Variants in ZNF737 observed in about 807,000 individuals in gnomAD.
ZNF737 encodes zinc finger protein 102 (Y3).
Under a neutral mutation model 11.7 loss-of-function variants are expected in ZNF737, and 13 were observed. The ratio of observed to expected loss-of-function variants is 1.11; its 90% CI spans 0.73 to 1.77. The LOEUF (loss-of-function observed/expected upper bound fraction) is 1.77. Ranked by LOEUF, ZNF737 falls within the 40% of genes most tolerant of loss-of-function variation. The probability of loss-of-function intolerance (pLI) is 0.00; values close to 1 mark genes in which losing one functional copy is unlikely to be tolerated. For synonymous variants in ZNF737, 217 were observed against 216.2 expected (o/e 1.00, Z -0.03); for missense variants, 636 against 638.0 (o/e 1.00, Z 0.03).
At chr19:20,530,535 C>T in the ZNF737 span, among the ~76,000 whole-genome samples, 1 of 146,982 alleles carries the variant, frequency 6.8e-6, no homozygotes, top group Non-Finnish European at 1.5e-5. Flanking sequence ...GGCGGAGGGT[C>T]TCCTCACTTC....
intron 1 of ZNF737, among the ~76,000 whole-genome samples, chr19:20,561,833 T>C (rs1568437520): frequency 6.6e-6 from 1 of 152,140 alleles, no homozygotes; most frequent in Non-Finnish European, 1.5e-5. Flanking sequence ...GGGAGTCCCA[T>C]AACCTCCCTG....
At chr19:20,560,155 A>G (rs557386583) in intron 1 of ZNF737, among the ~76,000 whole-genome samples, 58 of 138,704 alleles carry the variant, frequency 4.2e-4, no homozygotes, top group Admixed American at 7.0e-4. Flanking sequence ...CCTGGGCGAC[A>G]GAGCGAGACT....
At chr19:20,532,733 C>T (rs1463066734), downstream of ZNF737, among the ~76,000 whole-genome samples, 2 of 150,102 alleles carry the variant, frequency 1.3e-5, no homozygotes, top group Non-Finnish European at 3.0e-5. Flanking sequence ...AAATGCTTGA[C>T]ATCAGTGGGC....
At chr19:20,530,649 C>CT in the ZNF737 span, among the ~76,000 whole-genome samples, 4 of 147,488 alleles carry the variant, frequency 2.7e-5, no homozygotes, top group African/African-American at 1.0e-4. Flanking sequence ...GGCAGAGGCG[C>CT]TCCCCACATC....
chr19:20,539,385 T>C lies in ZNF737; in HGVS notation c.*5207A>G. On this transcript the variant is annotated 3_prime_UTR_variant, in exon 4 of 4. Transcript: ENST00000427401. ...TGAATACTTTAGCCAGGATTTCAGA[T>C]TTCAAAAGGTCAAAAACAATCATTG... 1 of 985,452 alleles carries C rather than the reference T, an allele frequency of 1.0e-6. No homozygotes were observed. The highest frequency in any genetic ancestry group is 1.2e-6 in the Non-Finnish European group (1 of 829,926). 61.0% of individuals were successfully genotyped at this position (985,452 alleles called of 1,614,324 possible). A position where few individuals can be genotyped will look rare whatever the true frequency, so the allele number is the denominator to read the frequency against.
At chr19:20,548,040 G>A (rs1968519645) in intron 3 of ZNF737, among the ~76,000 whole-genome samples, 1 of 152,100 alleles carries the variant, frequency 6.6e-6, no homozygotes, top group South Asian at 2.1e-4. Flanking sequence ...TACTTGGGAG[G>A]CTGAGACAGG....
rs781979962 is a variant in ZNF737, at chr19:20,544,922, A to G, written c.1281T>C (p.Cys427=). The G allele has an allele frequency of 6.2e-7, 1 of 1,612,764 alleles. No individual in the cohort carries two copies. Among genetic ancestry groups the G allele is most frequent in the African/African-American group, 1.3e-5 (1 of 74,726 alleles). Reference sequence around the variant, plus strand: ...ACTTAAAGGCCTTGCCACATTCTTCACACTTGAAGGGTTGCTGTCCAGTAT... The same window carrying G: ...ACTTAAAGGCCTTGCCACATTCTTCGCACTTGAAGGGTTGCTGTCCAGTAT... The part of the protein sequence containing the change: ...IIHTGQQPFK[C]EECGKAFKCF... The change falls in exon 4 of 4, where the codon TGT becomes TGC. Residue 427 remains cysteine (C), a synonymous_variant. Coordinates refer to ENST00000427401, the MANE Select transcript of ZNF737 (RefSeq NM_001159293.2).
intron 3 of ZNF737, among the ~76,000 whole-genome samples, chr19:20,548,984 T>A (rs1229928328): frequency 0.079 from 4,598 of 57,860 alleles, 164 homozygotes; most frequent in African/African-American, 0.09. Flanking sequence ...AAAAAAACAA[T>A]TATGTATCTT....
downstream of ZNF737, among the ~76,000 whole-genome samples, chr19:20,537,509 C>CTT (rs1172290847): frequency 0.011 from 649 of 58,174 alleles, 6 homozygotes; most frequent in Non-Finnish European, 0.015. Context: ...GCCTGGTTTT[C>CTT]TATTTTTTTT....
chr19:20,544,546 A>C lies in ZNF737; in HGVS notation c.*46T>G, dbSNP rs782063859. On this transcript the variant is annotated 3_prime_UTR_variant, in exon 4 of 4. Transcript: ENST00000427401. Reference sequence around the variant, plus strand: ...CTCCAATATGAATTTTCTTATGTGAAAAAAGCATAGTGGGATAGCTTAAAG... The same window carrying C: ...CTCCAATATGAATTTTCTTATGTGACAAAAGCATAGTGGGATAGCTTAAAG... 1 of 1,546,200 alleles carries C rather than the reference A, an allele frequency of 6.5e-7. No homozygotes were observed. Among genetic ancestry groups the C allele is most frequent in the South Asian group, 1.2e-5 (1 of 81,030 alleles).
At position 20,544,142 on chromosome 19, in the gene ZNF737, T is replaced by C. The variant is rs772394024; in HGVS notation, c.*450A>G. On this transcript the variant is annotated 3_prime_UTR_variant, in exon 4 of 4. Coordinates refer to ENST00000427401, the MANE Select transcript of ZNF737 (RefSeq NM_001159293.2). ...AAACTTCATCTCAAAAAAAAAAATA[T>C]TGAAAACTTGTTATAGGATTTGCCA... The C allele has an allele frequency of 8.0e-6, 8 of 1,002,118 alleles. No individual in the cohort carries two copies. Among genetic ancestry groups the C allele is most frequent in the East Asian group, 2.2e-4 (2 of 9,184 alleles). The allele number at this position is 1,002,118 out of a possible 1,614,324, so 62.1% of individuals were successfully genotyped here.
chr19:20,559,292 T>C (rs1555761859), intron 1 of ZNF737, among the ~76,000 whole-genome samples: 3 of 152,016 alleles, frequency 2.0e-5, no homozygotes, highest in Non-Finnish European at 4.4e-5. Flanking sequence ...CTGACAAAGG[T>C]CTAATATCCA....
intron 1 of ZNF737, among the ~76,000 whole-genome samples, chr19:20,563,182 T>TTTTTTTTTTTTTTTTTTTTTTTGAG (rs1555762915): frequency 2.1e-5 from 3 of 141,676 alleles, no homozygotes; most frequent in Non-Finnish European, 3.1e-5. Context: ...CCTTTCATCT[T>TTTTTTTTTTTTTTTTTTTTTTTGAG]AACCTCAGCT....
intron 3 of ZNF737, among the ~76,000 whole-genome samples, chr19:20,547,957 C>G (rs1204439161): frequency 1.6e-5 from 2 of 126,970 alleles, no homozygotes; most frequent in Non-Finnish European, 3.4e-5. Context: ...TTGTGACCAG[C>G]CTGGCCAACA....
Position 20,552,585 on chromosome 19 carries a change from A to G in ZNF737, c.131-15T>C, listed in dbSNP as rs1555758866. The G allele has an allele frequency of 4.5e-6, 7 of 1,544,052 alleles. No individual in the cohort carries two copies. The South Asian group carries it at 4.9e-5, about 11-fold the overall frequency. ...GACAACAATACCTGTTTTATTAAAAATAAATAACATGAATCTTGCTCATAT... is the reference window on the plus strand; with the variant it reads ...GACAACAATACCTGTTTTATTAAAAGTAAATAACATGAATCTTGCTCATAT... On this transcript the variant is annotated splice_polypyrimidine_tract_variant and intron_variant, in intron 2 of 3. Transcript: ENST00000427401.
chr19:20,558,610 T>G (rs1968974624), intron 1 of ZNF737, among the ~76,000 whole-genome samples: 1 of 152,144 alleles, frequency 6.6e-6, no homozygotes, highest in Non-Finnish European at 1.5e-5. Context: ...CTGGAGAAAC[T>G]CTCATCTGGG....
downstream of ZNF737, among the ~76,000 whole-genome samples, chr19:20,532,255 G>T (rs1438861229): frequency 1.3e-5 from 2 of 150,072 alleles, no homozygotes; most frequent in African/African-American, 4.9e-5. Context: ...GGCTGGTTGG[G>T]ATCACCTGGG....
intron 1 of ZNF737, among the ~76,000 whole-genome samples, chr19:20,565,231 G>T (rs555150630): frequency 4.6e-5 from 7 of 152,128 alleles, no homozygotes; most frequent in African/African-American, 1.7e-4. Flanking sequence ...GACTGCGCCC[G>T]GCCCCATAAA....
Position 20,544,136 on chromosome 19 carries a change from A to T in ZNF737, c.*456T>A, listed in dbSNP as rs1968330586. 1.0e-6 allele frequency: 1 copy of T among 1,002,852 alleles called. No individual in the cohort carries two copies. Among genetic ancestry groups the T allele is most frequent in the Admixed American group, 5.3e-5 (1 of 18,750 alleles). The allele number at this position is 1,002,852 out of a possible 1,614,324, so 62.1% of individuals were successfully genotyped here. ...AGCATGAAACTTCATCTCAAAAAAA[A>T]AAATATTGAAAACTTGTTATAGGAT... On this transcript the variant is annotated 3_prime_UTR_variant, in exon 4 of 4. Coordinates refer to ENST00000427401, the MANE Select transcript of ZNF737 (RefSeq NM_001159293.2).
Sources: gnomAD v4.1 joint callset for allele counts (sites outside exome capture counted in the v4.1 genomes callset) on GRCh38, gnomAD v4.1.1 for gene constraint, MANE v1.5 for transcripts, NCBI Gene and HGNC (gene_info 2026-07-23, HGNC 2026-07-21) for gene names.